TTYH3: variants seen among roughly 807,000 people sequenced by gnomAD.
TTYH3 encodes the protein protein tweety homolog 3.
Under a neutral mutation model 68.2 loss-of-function variants are expected in TTYH3, and 23 were observed. The observed-to-expected ratio is 0.34, with a 90% CI of 0.24 to 0.48. The LOEUF (loss-of-function observed/expected upper bound fraction) is 0.48. Ranked by LOEUF, TTYH3 falls within the 20% of genes least tolerant of loss-of-function variation. The pLI, the probability that TTYH3 is intolerant of heterozygous loss-of-function variation, is 0.99. For synonymous variants in TTYH3, 360 were observed against 332.8 expected, an observed-to-expected ratio of 1.08 and a Z score of -0.89; for missense variants, 768 against 727.7, an observed-to-expected ratio of 1.06 and a Z score of -0.64.
rs1018317293 is a variant in TTYH3 at position 2,637,796 on chromosome 7, C to T, written c.123+5518C>T. On this transcript the variant is annotated intron_variant, in intron 1 of 13. Transcript: ENST00000258796. The stretch of plus-strand genomic sequence containing the variant: ...TGTTCTGCAGGGAGCCCACCCAGGC[C>T]CTGTGCTGGGCCTCACACCATCCGA... Among the ~76,000 whole-genome samples the T allele has an allele frequency of 2.4e-4, 37 of 152,274 alleles. 1 individual carries two copies. Among genetic ancestry groups the T allele is most frequent in the Non-Finnish European group, 4.9e-4 (33 of 67,990 alleles).
chr7:2,638,204 G>A (rs967026701), intron 1 of TTYH3, among the ~76,000 whole-genome samples: 2 of 152,120 alleles, frequency 1.3e-5, no homozygotes, highest in Non-Finnish European at 1.5e-5. Flanking sequence ...CTGAGGCCTG[G>A]GGCCCGGTCC....
rs904753658 is a variant in TTYH3, at chr7:2,664,204, A to C, written c.*2465A>C. The stretch of plus-strand genomic sequence containing the variant: ...CCAGGGCCCCCCACATGTCATGGCA[A>C]GGTTGGTAGTGAATGGGCCTGGTTG... On this transcript the variant is annotated 3_prime_UTR_variant, in exon 14 of 14. Coordinates refer to ENST00000258796, the MANE Select transcript of TTYH3 (RefSeq NM_025250.3). 18 of 152,642 alleles carry C rather than the reference A, an allele frequency of 1.2e-4. No individual in the cohort carries two copies. Among genetic ancestry groups the C allele is most frequent in the African/African-American group, 4.1e-4 (17 of 41,450 alleles). The allele number at this position is 152,642 out of a possible 1,614,324, so 9.5% of individuals were successfully genotyped here.
intron 1 of TTYH3, among the ~76,000 whole-genome samples, chr7:2,642,026 G>A (rs1396334252): frequency 6.6e-6 from 1 of 152,224 alleles, no homozygotes; most frequent in Non-Finnish European, 1.5e-5. Context: ...CAGGGGCCCC[G>A]AAGCCTGGCC....
chr7:2,658,222 A>G lies in TTYH3; in HGVS notation c.1251-64A>G, dbSNP rs1786389163. ...TCTGTCTGCACCAGAACTGACCCCC[A>G]TGGGTCTGTGGCCAGCTCCTTCCTG... is the stretch of plus-strand genomic sequence containing the variant. On this transcript the variant is annotated intron_variant, in intron 11 of 13. Transcript: ENST00000258796. 2.1e-5 allele frequency: 30 copies of G among 1,432,924 alleles called. 1 individual carries two copies. The South Asian group carries it at 3.4e-4, about 16-fold the overall frequency. 88.8% of individuals were successfully genotyped at this position (1,432,924 alleles called of 1,614,324 possible). A position where few individuals can be genotyped will look rare whatever the true frequency, so the allele number is the denominator to read the frequency against.
chr7:2,649,879 G>A, intron 6 of TTYH3, 34 bp from the exon 7 acceptor site: 1 of 1,612,946 alleles, frequency 6.2e-7, no homozygotes. Flanking sequence ...GCCCAGCTTG[G>A]TCAACCCCTC....
chr7:2,637,651 C>T (rs1339126822), intron 1 of TTYH3, among the ~76,000 whole-genome samples: 1 of 152,162 alleles, frequency 6.6e-6, no homozygotes, highest in Non-Finnish European at 1.5e-5. Context: ...AGCCAGGGGC[C>T]TGGGGTCAAG....
intron 5 of TTYH3, 127 bp from the exon 6 acceptor site, chr7:2,649,440 A>G (rs1562714240): frequency 2.2e-6 from 2 of 905,014 alleles, no homozygotes; most frequent in East Asian, 2.7e-5. Context: ...GGCCACAGGA[A>G]GAGCCCCAGC....
intron 11 of TTYH3, among the ~76,000 whole-genome samples, 182 bp from the exon 12 acceptor site, chr7:2,658,104 C>T (rs542067111): frequency 4.6e-5 from 7 of 152,348 alleles, no homozygotes; most frequent in South Asian, 2.1e-4. Flanking sequence ...CACCCCACCT[C>T]GCAAGGGCAG....
At chr7:2,649,454 T>C (rs1356179365) in intron 5 of TTYH3, 113 bp from the exon 6 acceptor site, 5 of 1,030,288 alleles carry the variant, frequency 4.9e-6, no homozygotes, top group East Asian at 2.6e-5. Context: ...CCCCAGCCCA[T>C]GTGTGGGCTG....
Position 2,663,767 on chromosome 7 carries a change from G to A in TTYH3, c.*2028G>A, listed in dbSNP as rs1346780042. 1 of 152,768 alleles carries A rather than the reference G, an allele frequency of 6.5e-6. No individual in the cohort carries two copies. Among genetic ancestry groups the A allele is most frequent in the Admixed American group, 6.5e-5 (1 of 15,294 alleles). The allele number at this position is 152,768 out of a possible 1,614,324, so 9.5% of individuals were successfully genotyped here. On this transcript the variant is annotated 3_prime_UTR_variant, in exon 14 of 14. Transcript: ENST00000258796. ...GAATGGACATAGCGTGAGAGGCGGT[G>A]AGGCCAGGGCTTCCAGCCTCGTGCT... is the stretch of plus-strand genomic sequence containing the variant.
At chr7:2,647,769 C>T in intron 4 of TTYH3, 131 bp downstream of exon 4, 1 of 1,129,882 alleles carries the variant, frequency 8.9e-7, no homozygotes. Context: ...CTGGAGGTCA[C>T]AGGCAGTGGC....
Position 2,646,834 on chromosome 7 carries a change from G to T in TTYH3, c.124-19G>T, listed in dbSNP as rs772926913. On this transcript the variant is annotated intron_variant, in intron 1 of 13. Transcript: ENST00000258796. ...GCTGGGGGTCCACCCCTCCAGCGCC[G>T]CTTCCTGCCTGCCCTCAGGCCCTGC... is the stretch of plus-strand genomic sequence containing the variant. 6.3e-7 allele frequency: 1 copy of T among 1,588,558 alleles called. No individual in the cohort carries two copies. Among genetic ancestry groups the T allele is most frequent in the Admixed American group, 1.7e-5 (1 of 58,988 alleles).
Position 2,645,671 on chromosome 7 carries a change from C to T in TTYH3, c.124-1182C>T, listed in dbSNP as rs1785959824. 2 of 405,538 alleles carry T rather than the reference C, an allele frequency of 4.9e-6. No individual in the cohort carries two copies. The highest frequency in any genetic ancestry group is 1.0e-5 in the Non-Finnish European group (2 of 194,052). The allele number at this position is 405,538 out of a possible 1,614,324, so 25.1% of individuals were successfully genotyped here. ...CCCACCATCTCATCCAGCGTGGGGG[C>T]ACGCCATGGACGGTGCCCACCCCTG... is the stretch of plus-strand genomic sequence containing the variant. On this transcript the variant is annotated intron_variant, in intron 1 of 13. Transcript: ENST00000258796. This position sits in a 1 kb window ranked among gnomAD's most constrained non-coding sequence, Gnocchi z 4.8.
rs962732544 is a variant in TTYH3 at position 2,652,795 on chromosome 7, G to T, written c.928-123G>T. On this transcript the variant is annotated intron_variant, in intron 8 of 13. Transcript: ENST00000258796. ...AGGGAGTGCCCTGTTGGCCTGCAGAGCAGAGCCTTGATGGTCTCCCAGGCT... is the reference window on the plus strand; with the variant it reads ...AGGGAGTGCCCTGTTGGCCTGCAGATCAGAGCCTTGATGGTCTCCCAGGCT... The T allele has an allele frequency of 4.2e-5, 32 of 761,694 alleles. No individual in the cohort carries two copies. The Admixed American group carries it at 5.1e-4, about 12-fold the overall frequency. The allele number at this position is 761,694 out of a possible 1,614,324, so 47.2% of individuals were successfully genotyped here. A position where few individuals can be genotyped will look rare whatever the true frequency, so the allele number is the denominator to read the frequency against.
intron 1 of TTYH3, among the ~76,000 whole-genome samples, chr7:2,635,087 T>TG (rs1301161406): frequency 6.6e-6 from 1 of 151,966 alleles, no homozygotes; most frequent in Non-Finnish European, 1.5e-5. Flanking sequence ...TCTGAGTGAA[T>TG]GGGGGGCTGT....
intron 2 of TTYH3, 38 bp downstream of exon 2, chr7:2,647,060 A>AG (rs780264023): frequency 1.0e-4 from 51 of 488,172 alleles, no homozygotes; most frequent in South Asian, 3.2e-4. Flanking sequence ...GCGGGGCCAG[A>AG]GGGGGCGGCC....
At chr7:2,632,399 A>G in intron 1 of TTYH3, 121 bp downstream of exon 1, 1 of 1,034,710 alleles carries the variant, frequency 9.7e-7, no homozygotes, top group Non-Finnish European at 1.3e-6. Context: ...CTCCAGGGTC[A>G]CGGCCACCTC....
intron 7 of TTYH3, among the ~76,000 whole-genome samples, 194 bp from the exon 8 acceptor site, chr7:2,651,991 GCA>G (rs556839244): frequency 1.6e-4 from 25 of 152,290 alleles, no homozygotes; most frequent in African/African-American, 4.6e-4. Context: ...CACGAAACGT[GCA>G]CAGAGACACA....
chr7:2,647,811 A>G (rs1786041442), intron 4 of TTYH3, 148 bp from the exon 5 acceptor site: 1 of 1,089,686 alleles, frequency 9.2e-7, no homozygotes, highest in East Asian at 2.6e-5. Flanking sequence ...CTTTCTCAAG[A>G]ACTGACACCA....
Sources: gnomAD v4.1 joint callset for allele counts (sites outside exome capture counted in the v4.1 genomes callset) on GRCh38, gnomAD v4.1.1 for gene constraint, Gnocchi (gnomAD v3.1) non-coding constraint, MANE v1.5 for transcripts, NCBI Gene and HGNC (gene_info 2026-07-23, HGNC 2026-07-21) for gene names.